Variants in NBPF11 observed in about 807,000 individuals in gnomAD.
NBPF11 encodes NBPF family member NBPF11.
A neutral mutation model predicts 93.9 loss-of-function variants in NBPF11; 72 were observed. That is an observed-to-expected ratio of 0.77 (90% CI 0.63 to 0.93). The LOEUF is 0.93. Among genes scored for constraint, NBPF11 ranks in the 40% least tolerant of loss-of-function variants. NBPF11 has a pLI of 0.00. For synonymous variants in NBPF11, 224 were observed against 304.9 expected (o/e 0.73, Z 2.76); for missense variants, 705 against 802.2 (o/e 0.88, Z 1.46).
intron 5 of NBPF11, among the ~76,000 whole-genome samples, chr1:148,125,625 A>G (rs1558150010): frequency 2.0e-5 from 3 of 152,216 alleles, no homozygotes; most frequent in Non-Finnish European, 1.5e-5. Context: ...TAGAAACAGC[A>G]TAAGATTAGT....
rs1205876062 is a variant in NBPF11 at position 148,151,735 on chromosome 1, G to A, written c.-549+15C>T. 1 of 152,620 alleles carries A rather than the reference G, an allele frequency of 6.6e-6. No individual in the cohort carries two copies. The highest frequency in any genetic ancestry group is 6.5e-5 in the Admixed American group (1 of 15,292). The allele number at this position is 152,620 out of a possible 1,614,324, so 9.5% of individuals were successfully genotyped here. A position where few individuals can be genotyped will look rare whatever the true frequency, so the allele number is the denominator to read the frequency against. ...CCAGACTCACCTCCCGCCCGGCCTG[G>A]CGCGGCGCCCTCACCTCCGGAACGC... On this transcript the variant is annotated intron_variant, in intron 1 of 23. Coordinates refer to ENST00000682118, the MANE Select transcript of NBPF11 (RefSeq NM_001385469.3).
chr1:148,103,188 T>C lies in NBPF11; in HGVS notation c.*708A>G, dbSNP rs1662698043. 1.5e-5 allele frequency: 3 copies of C among 197,992 alleles called. No individual in the cohort carries two copies. The highest frequency in any genetic ancestry group is 3.1e-5 in the Non-Finnish European group (3 of 97,640). The allele number at this position is 197,992 out of a possible 1,614,324, so 12.3% of individuals were successfully genotyped here. ...TCAAGAGCAGTTGGTGGTTCTGAAA[T>C]ACAATCCTCAGCCAAGGATCCCTCC... On this transcript the variant is annotated 3_prime_UTR_variant, in exon 24 of 24. Transcript: ENST00000682118.
intron 12 of NBPF11, among the ~76,000 whole-genome samples, chr1:148,117,041 C>A (rs1308272639): frequency 2.6e-5 from 4 of 152,088 alleles, no homozygotes; most frequent in Non-Finnish European, 5.9e-5. Context: ...CACAAAATGC[C>A]CCCACATCAA....
At chr1:148,110,078 G>C (rs1333918578) in intron 16 of NBPF11, among the ~76,000 whole-genome samples, 2 of 151,492 alleles carry the variant, frequency 1.3e-5, no homozygotes, top group Admixed American at 1.3e-4. Flanking sequence ...GACAACTCCT[G>C]GGCATGTGCT....
chr1:148,108,487 A>T lies in NBPF11; in HGVS notation c.2021T>A (p.Met674Lys). The change falls in exon 18 of 24, where the codon ATG becomes AAG. Residue 674 changes from methionine (M) to lysine (K), a missense_variant. Met to Lys is a moderately conservative substitution (Grantham distance 95, BLOSUM62 -1). Transcript: ENST00000682118. Reference protein sequence around the residue: ...EQQRIGLAVDMDEIEKYQEVE... With the variant: ...EQQRIGLAVDKDEIEKYQEVE... ...CTTCATAGAAAGGTACTCACCATCCATGTCAACAGCCAAGCCAATACGCTG... is the reference window on the plus strand; with the variant it reads ...CTTCATAGAAAGGTACTCACCATCCTTGTCAACAGCCAAGCCAATACGCTG... 1.9e-6 allele frequency: 3 copies of T among 1,559,288 alleles called. No individual in the cohort carries two copies. Among genetic ancestry groups the T allele is most frequent in the South Asian group, 1.1e-5 (1 of 90,024 alleles).
At chr1:148,136,764 G>C (rs1472707973) in intron 3 of NBPF11, among the ~76,000 whole-genome samples, 1 of 151,834 alleles carries the variant, frequency 6.6e-6, no homozygotes, top group Admixed American at 6.5e-5. Context: ...TCACATTAGG[G>C]ACAGATAAGC....
At chr1:148,146,560 C>T in intron 1 of NBPF11, 6 of 1,605,708 alleles carry the variant, frequency 3.7e-6, no homozygotes, top group Admixed American at 1.7e-5. Flanking sequence ...CTTGGGGACC[C>T]TGAGAGCCTC....
chr1:148,132,254 T>G (rs1269696243), intron 4 of NBPF11, among the ~76,000 whole-genome samples: 1,654 of 143,022 alleles, frequency 0.012, 20 homozygotes, highest in Middle Eastern at 0.022. Context: ...TGTGTGTGTG[T>G]GGGGGTGTGT....
At chr1:148,123,725 C>G in intron 7 of NBPF11, 128 bp downstream of exon 7, 1 of 1,603,002 alleles carries the variant, frequency 6.2e-7, no homozygotes, top group Non-Finnish European at 8.5e-7. Flanking sequence ...AAGTCCTGAT[C>G]ATGTCATGGC....
intron 12 of NBPF11, 21 bp from the exon 13 acceptor site, chr1:148,116,556 A>T (rs1271701654): frequency 1.5e-6 from 1 of 660,918 alleles, no homozygotes; most frequent in East Asian, 2.7e-5. Flanking sequence ...AGAAGTGTTC[A>T]TTCAGATATT....
Position 148,152,223 on chromosome 1 carries a change from T to G in NBPF11, c.-1022A>C, listed in dbSNP as rs1648564894. Reference sequence around the variant, plus strand: ...GCCACTTGAACCGCCCCTGCCAGGTTAAAGAGGCGGGAGACACACCCCCTC... The same window carrying G: ...GCCACTTGAACCGCCCCTGCCAGGTGAAAGAGGCGGGAGACACACCCCCTC... On this transcript the variant is annotated 5_prime_UTR_variant, in exon 1 of 24. Coordinates refer to ENST00000682118, the MANE Select transcript of NBPF11 (RefSeq NM_001385469.3). The G allele has an allele frequency of 6.6e-6, 1 of 152,128 alleles. No individual in the cohort carries two copies. Among genetic ancestry groups the G allele is most frequent in the Admixed American group, 6.5e-5 (1 of 15,280 alleles). 9.4% of individuals were successfully genotyped at this position (152,128 alleles called of 1,614,324 possible). A position where few individuals can be genotyped will look rare whatever the true frequency, so the allele number is the denominator to read the frequency against.
chr1:148,148,153 A>AT (rs1647233966), intron 1 of NBPF11, among the ~76,000 whole-genome samples: 1 of 152,210 alleles, frequency 6.6e-6, no homozygotes, highest in African/African-American at 2.4e-5. Context: ...CACAGGCACC[A>AT]GCCAGGCAGC....
intron 2 of NBPF11, among the ~76,000 whole-genome samples, chr1:148,141,056 C>A (rs1338329017): frequency 6.6e-6 from 1 of 151,848 alleles, no homozygotes; most frequent in Non-Finnish European, 1.5e-5. Context: ...AGTCTGGAAA[C>A]CTACATACTG....
intron 10 of NBPF11, among the ~76,000 whole-genome samples, chr1:148,119,439 C>A (rs1298416369): frequency 6.6e-6 from 1 of 151,944 alleles, no homozygotes; most frequent in Non-Finnish European, 1.5e-5. Flanking sequence ...TATTGTAGTA[C>A]CCTCTGAACA....
chr1:148,103,462 T>A lies in NBPF11; in HGVS notation c.*434A>T. On this transcript the variant is annotated 3_prime_UTR_variant, in exon 24 of 24. Transcript: ENST00000682118. ...ACTCCCGGCATGTGCTGCACAGTTA[T>A]GTGAACGTGTCACACCTAACGTGGG... 1 of 789,548 alleles carries A rather than the reference T, an allele frequency of 1.3e-6. No homozygotes were observed. Among genetic ancestry groups the A allele is most frequent in the South Asian group, 1.7e-5 (1 of 57,150 alleles). 48.9% of individuals were successfully genotyped at this position (789,548 alleles called of 1,614,324 possible).
rs1287257334 is a variant in NBPF11, at chr1:148,134,740, G to T, written c.-36+932C>A. Among the ~76,000 whole-genome samples the T allele has an allele frequency of 3.9e-3, 588 of 151,984 alleles. 18 individuals are homozygous for T. Among genetic ancestry groups the T allele is most frequent in the African/African-American group, 0.013 (525 of 41,268 alleles). Reference sequence around the variant, plus strand: ...AAAGTGCTACATGGCATTGGGGCTGGTACAGCCTCACTCAATTATGTGTTG... The same window carrying T: ...AAAGTGCTACATGGCATTGGGGCTGTTACAGCCTCACTCAATTATGTGTTG... On this transcript the variant is annotated intron_variant, in intron 4 of 23. Coordinates refer to ENST00000682118, the MANE Select transcript of NBPF11 (RefSeq NM_001385469.3).
intron 1 of NBPF11, among the ~76,000 whole-genome samples, chr1:148,146,087 G>A (rs1239393006): frequency 6.6e-6 from 1 of 151,956 alleles, no homozygotes; most frequent in Non-Finnish European, 1.5e-5. Context: ...CGGAGGGACC[G>A]ACGGACGCAC....
intron 2 of NBPF11, among the ~76,000 whole-genome samples, chr1:148,139,120 C>T (rs1346494353): frequency 9.2e-5 from 14 of 151,638 alleles, no homozygotes; most frequent in African/African-American, 2.7e-4. Flanking sequence ...AAAATAAAGA[C>T]GGTTCACTAC....
In NBPF11 at chr1:148,108,791, G is replaced by T. The variant is rs1571412603; in HGVS notation, c.1854-137C>A. ...TCCATTAATGAGGTAACAAATTATT[G>T]CCTTTATGTTGGGATAGACTAGGGC... On this transcript the variant is annotated intron_variant, in intron 17 of 23. Coordinates refer to ENST00000682118, the MANE Select transcript of NBPF11 (RefSeq NM_001385469.3). The T allele has an allele frequency of 8.9e-5, 60 of 677,762 alleles. No individual in the cohort carries two copies. In the South Asian group the frequency reaches 8.9e-4, roughly 10 times the overall value. 42.0% of individuals were successfully genotyped at this position (677,762 alleles called of 1,614,324 possible).
Sources: allele counts gnomAD v4.1 joint callset (sites outside exome capture counted in the v4.1 genomes callset), GRCh38; gene constraint gnomAD v4.1.1; transcripts MANE v1.5; gene names NCBI Gene and HGNC (gene_info 2026-07-23, HGNC 2026-07-21).